NOL4L: variants seen among roughly 807,000 people sequenced by gnomAD.
NOL4L encodes nucleolar protein 4-like.
A neutral mutation model predicts 64.5 loss-of-function variants in NOL4L; 7 were observed. That is an observed-to-expected ratio of 0.11 (90% confidence interval 0.06 to 0.20). NOL4L has a LOEUF of 0.20. NOL4L is among the 10% of genes least tolerant of loss of function. The probability of loss-of-function intolerance (pLI) is 1.00; values close to 1 mark genes in which losing one functional copy is unlikely to be tolerated. For missense variants in NOL4L, 680 were observed against 967.1 expected, an observed-to-expected ratio of 0.70 and a Z score of 3.94; for synonymous variants, 413 against 401.0, an observed-to-expected ratio of 1.03 and a Z score of -0.36.
chr20:32,511,254 C>A, intron 4 of NOL4L, 93 bp downstream of exon 4: 2 of 768,850 alleles, frequency 2.6e-6, no homozygotes, highest in Non-Finnish European at 2.2e-6. Flanking sequence ...CGTGTGTTTA[C>A]ACAAGCTGTG....
chr20:32,583,985 T>G (rs1351373232), intron 1 of NOL4L, among the ~76,000 whole-genome samples: 1 of 114,516 alleles, frequency 8.7e-6, no homozygotes, highest in Non-Finnish European at 1.8e-5. Flanking sequence ...CGGCCGCCCC[T>G]CCCCGGGCCA....
intron 4 of NOL4L, among the ~76,000 whole-genome samples, chr20:32,491,419 C>A (rs2016464854): frequency 6.6e-6 from 1 of 152,220 alleles, no homozygotes; most frequent in South Asian, 2.1e-4. Flanking sequence ...AAGATCCCTC[C>A]ACAGACTGCC....
At chr20:32,455,108 A>AGCCAGG (rs1338907486) in intron 6 of NOL4L, among the ~76,000 whole-genome samples, 1 of 152,322 alleles carries the variant, frequency 6.6e-6, no homozygotes, top group East Asian at 1.9e-4. Flanking sequence ...CCAAACCCTG[A>AGCCAGG]GCCAGGGCCA....
intron 1 of NOL4L, among the ~76,000 whole-genome samples, chr20:32,556,097 G>A (rs1822444563): frequency 6.6e-6 from 1 of 152,232 alleles, no homozygotes; most frequent in African/African-American, 2.4e-5. Flanking sequence ...CAGGTGCATA[G>A]TAGGCCCCCC....
intron 1 of NOL4L, among the ~76,000 whole-genome samples, chr20:32,543,214 G>A (rs936322433): frequency 6.6e-6 from 1 of 152,210 alleles, no homozygotes. Flanking sequence ...AGGCTTCACA[G>A]AGGAGGTGAC....
intron 4 of NOL4L, among the ~76,000 whole-genome samples, chr20:32,488,790 C>CTTTCTTTTT (rs2016244529): frequency 7.5e-5 from 3 of 39,772 alleles, no homozygotes; most frequent in Non-Finnish European, 7.9e-5. Context: ...TTCCTTCCTT[C>CTTTCTTTTT]CTTTCTTTCT....
intron 10 of NOL4L, chr20:32,451,791 C>T (rs1291969813): frequency 1.3e-5 from 2 of 153,868 alleles, no homozygotes; most frequent in African/African-American, 2.4e-5. Flanking sequence ...GCCAGCGGGG[C>T]CACAGCTGGG....
At chr20:32,499,156 C>T (rs1034071985) in intron 4 of NOL4L, among the ~76,000 whole-genome samples, 2 of 152,028 alleles carry the variant, frequency 1.3e-5, no homozygotes, top group Non-Finnish European at 2.9e-5. Flanking sequence ...GGATTACAGG[C>T]GTGAGCCACT....
chr20:32,564,222 G>A (rs185105273), intron 1 of NOL4L, among the ~76,000 whole-genome samples: 3 of 152,210 alleles, frequency 2.0e-5, no homozygotes, highest in Non-Finnish European at 2.9e-5. Flanking sequence ...GACCATTAAC[G>A]TGGCCCTGTC....
At chr20:32,477,144 C>G (rs1221295763) in intron 4 of NOL4L, among the ~76,000 whole-genome samples, 1 of 152,228 alleles carries the variant, frequency 6.6e-6, no homozygotes, top group African/African-American at 2.4e-5. Context: ...TCTGGCCTCT[C>G]TCAGCCAAGT....
chr20:32,577,027 G>T (rs974680291), intron 1 of NOL4L, among the ~76,000 whole-genome samples: 2 of 152,228 alleles, frequency 1.3e-5, no homozygotes, highest in Admixed American at 6.5e-5. Context: ...TGGAGCTCCA[G>T]CCCAGCTGTG....
Position 32,456,163 on chromosome 20 carries a change from G to C in NOL4L, c.1074C>G (p.Asp358Glu), listed in dbSNP as rs753806615. Residue 358 changes from aspartate to glutamate, a missense_variant, in exon 6 of 11, where the codon GAC (aspartate) becomes GAG (glutamate). By Grantham distance (45) the Asp-to-Glu change is conservative. Around this residue, in one of 4 missense-constraint regions of NOL4L, gnomAD observed 254 missense variants for 238.7 expected, o/e 1.06. Coordinates refer to ENST00000621426, the MANE Select transcript of NOL4L (RefSeq NM_001256798.2). ...CGTATTTGACGCGGCTCCGCAGCCCGTCGGCACCGCAGCCATCCGAGGGGT... is the reference window on the plus strand; with the variant it reads ...CGTATTTGACGCGGCTCCGCAGCCCCTCGGCACCGCAGCCATCCGAGGGGT... ...ASYPSDGCGA[D>E]GLRSRVKYGV... is the part of the protein sequence containing the mutation. 13 of 1,577,888 alleles carry C rather than the reference G, an allele frequency of 8.2e-6. No individual in the cohort carries two copies. The highest frequency in any genetic ancestry group is 1.2e-5 in the South Asian group (1 of 86,536).
At chr20:32,465,722 G>A (rs182277505) in intron 5 of NOL4L, among the ~76,000 whole-genome samples, 144 of 152,386 alleles carry the variant, frequency 9.4e-4, no homozygotes, top group African/African-American at 3.2e-3. Flanking sequence ...CAGCCCTCCC[G>A]GAAGCCAGTC....
At chr20:32,528,160 C>T (rs999392333) in intron 1 of NOL4L, among the ~76,000 whole-genome samples, 11 of 152,232 alleles carry the variant, frequency 7.2e-5, no homozygotes, top group Non-Finnish European at 1.6e-4. Context: ...AATTAAAAAA[C>T]CAAGAGGCTC....
chr20:32,454,859 G>T (rs1389704033), intron 6 of NOL4L, among the ~76,000 whole-genome samples: 1 of 152,204 alleles, frequency 6.6e-6, no homozygotes, highest in Non-Finnish European at 1.5e-5. Flanking sequence ...AGCACTCACT[G>T]AGGAGCAAAT....
chr20:32,512,044 A>C (rs2017430184), intron 3 of NOL4L, among the ~76,000 whole-genome samples: 1 of 150,750 alleles, frequency 6.6e-6, no homozygotes, highest in Admixed American at 6.6e-5. Context: ...CAGCAAACCC[A>C]CCCCCACAAC....
chr20:32,528,447 C>T (rs951338536), intron 1 of NOL4L, among the ~76,000 whole-genome samples: 62 of 151,980 alleles, frequency 4.1e-4, no homozygotes, highest in Admixed American at 3.7e-3. Context: ...AGCAGCTGAG[C>T]GCCAGCAACG....
At chr20:32,479,588 G>T (rs2015598792) in intron 4 of NOL4L, among the ~76,000 whole-genome samples, 1 of 152,158 alleles carries the variant, frequency 6.6e-6, no homozygotes, top group South Asian at 2.1e-4. Flanking sequence ...AAAAGTGTGT[G>T]CAATCCATTA....
rs1034230757 is a variant in NOL4L, at chr20:32,464,797, C to T, written c.842-8402G>A. On this transcript the variant is annotated intron_variant, in intron 5 of 10. Transcript: ENST00000621426. The surrounding 1 kb of genome is among the most constrained non-coding windows in gnomAD (Gnocchi z 5.6). Reference sequence around the variant, plus strand: ...AGGTGAAATCAATTTTAATAATCTACTTTATTTAACCCAATATATCCAAAA... The same window carrying T: ...AGGTGAAATCAATTTTAATAATCTATTTTATTTAACCCAATATATCCAAAA... The T allele has an allele frequency of 2.5e-6, 1 of 397,758 alleles. No homozygotes were observed. Among genetic ancestry groups the T allele is most frequent in the Non-Finnish European group, 4.5e-6 (1 of 224,666 alleles). The allele number at this position is 397,758 out of a possible 1,614,324, so 24.6% of individuals were successfully genotyped here.
Sources: gnomAD v4.1 joint callset for allele counts (sites outside exome capture counted in the v4.1 genomes callset) on GRCh38, gnomAD v4.1.1 for gene constraint, gnomAD v4.1.1 regional missense constraint, Gnocchi (gnomAD v3.1) non-coding constraint, MANE v1.5 for transcripts, NCBI Gene and HGNC (gene_info 2026-07-23, HGNC 2026-07-21) for gene names.